Variants in C12orf50 observed in about 807,000 individuals in gnomAD.
The protein encoded by C12orf50 is uncharacterized protein C12orf50.
Under a neutral mutation model 61.6 loss-of-function variants are expected in C12orf50, and 35 were observed. That is an observed-to-expected ratio of 0.57 (90% CI 0.43 to 0.75). The LOEUF (loss-of-function observed/expected upper bound fraction) is 0.75. C12orf50 is among the 30% of genes least tolerant of loss of function. The probability of loss-of-function intolerance (pLI) is 0.00; values close to 1 mark genes in which losing one functional copy is unlikely to be tolerated. For synonymous variants in C12orf50, 178 were observed against 161.5 expected (o/e 1.10, Z -0.77); for missense variants, 475 against 488.5 (o/e 0.97, Z 0.26).
chr12:88,021,045 A>C (rs1019083002), intron 3 of C12orf50, among the ~76,000 whole-genome samples: 1 of 152,302 alleles, frequency 6.6e-6, no homozygotes, highest in Non-Finnish European at 1.5e-5. Flanking sequence ...CAGTATTAAG[A>C]GGGAAGTTTA....
At chr12:87,989,158 A>G in intron 8 of C12orf50, 106 bp downstream of exon 8, 1 of 751,904 alleles carries the variant, frequency 1.3e-6, no homozygotes, top group Admixed American at 2.3e-5. Context: ...TTCAGTGTAT[A>G]TTTTGATTTA....
intron 6 of C12orf50, 26 bp from the exon 7 acceptor site, chr12:87,994,769 A>G: frequency 6.8e-7 from 1 of 1,462,480 alleles, no homozygotes; most frequent in Admixed American, 1.9e-5. Context: ...AAAAAAAGTC[A>G]CCCCAGAAAT....
chr12:88,000,518 T>G (rs1428127830), intron 3 of C12orf50, among the ~76,000 whole-genome samples: 1 of 152,036 alleles, frequency 6.6e-6, no homozygotes, highest in Admixed American at 6.6e-5. Flanking sequence ...TTTTTTTCAC[T>G]ATTCTGGGTC....
chr12:88,027,169 A>T, intron 1 of C12orf50, 99 bp from the exon 2 acceptor site: 2 of 1,230,858 alleles, frequency 1.6e-6, no homozygotes, highest in East Asian at 2.6e-5. Context: ...TGAGTAGATT[A>T]CACTAGAATC....
At chr12:88,022,609 T>G (rs1428485015) in intron 3 of C12orf50, among the ~76,000 whole-genome samples, 2 of 152,158 alleles carry the variant, frequency 1.3e-5, no homozygotes, top group African/African-American at 4.8e-5. Flanking sequence ...GAAAACCTCA[T>G]AATCTCTGCC....
At chr12:88,016,145 TCACAGGTTG>T (rs1475729932) in intron 3 of C12orf50, among the ~76,000 whole-genome samples, 1 of 152,114 alleles carries the variant, frequency 6.6e-6, no homozygotes, top group Non-Finnish European at 1.5e-5. Flanking sequence ...CCCTAAAGTT[TCACAGGTTG>T]CACATTTAAA....
intron 3 of C12orf50, among the ~76,000 whole-genome samples, chr12:88,009,250 C>A (rs546261965): frequency 6.6e-6 from 1 of 152,030 alleles, no homozygotes; most frequent in Non-Finnish European, 1.5e-5. Flanking sequence ...GTACTCGTAT[C>A]CGTTTATATA....
At chr12:88,016,999 G>C (rs1481013164) in intron 3 of C12orf50, among the ~76,000 whole-genome samples, 1 of 152,194 alleles carries the variant, frequency 6.6e-6, no homozygotes, top group East Asian at 1.9e-4. Flanking sequence ...GATGGAATTA[G>C]CCATGAAGAT....
chr12:87,994,681 A>G lies in C12orf50; in HGVS notation c.544T>C (p.Ser182Pro). The G allele has an allele frequency of 6.2e-7, 1 of 1,613,448 alleles. No individual in the cohort carries two copies. Among genetic ancestry groups the G allele is most frequent in the South Asian group, 1.1e-5 (1 of 91,058 alleles). ...TCAGTCTTTGGTTTCCCATGCAATG[A>G]TGTTTTTATTTCACCTTGCCTTTCA... ...QYERQGEIKTSLHGKPKTDIA... is the reference protein window; with the variant it reads ...QYERQGEIKTPLHGKPKTDIA... Residue 182 changes from serine (S) to proline (P), a missense_variant, in exon 7 of 13, where the codon TCA (serine) becomes CCA (proline). Coordinates refer to ENST00000298699, the MANE Select transcript of C12orf50 (RefSeq NM_152589.3).
chr12:88,014,860 C>G (rs1009332175), intron 3 of C12orf50, among the ~76,000 whole-genome samples: 7 of 152,188 alleles, frequency 4.6e-5, no homozygotes, highest in Non-Finnish European at 2.9e-5. Context: ...TTTCTAATCT[C>G]TTATAACTCC....
intron 3 of C12orf50, among the ~76,000 whole-genome samples, chr12:88,023,796 TTTAA>T (rs2032607280): frequency 6.6e-6 from 1 of 151,810 alleles, no homozygotes; most frequent in Non-Finnish European, 1.5e-5. Context: ...ACAAAAAGGA[TTTAA>T]TTAAACTAAA....
intron 7 of C12orf50, among the ~76,000 whole-genome samples, chr12:87,992,823 AT>A (rs1448052431): frequency 5.9e-5 from 9 of 152,202 alleles, no homozygotes; most frequent in African/African-American, 2.2e-4. Context: ...TTAAAGTGCA[AT>A]AACACATTAA....
chr12:88,006,330 T>G (rs2031881777), intron 3 of C12orf50, among the ~76,000 whole-genome samples: 1 of 152,226 alleles, frequency 6.6e-6, no homozygotes, highest in African/African-American at 2.4e-5. Flanking sequence ...TAATTGCTTA[T>G]CCCCAATCAC....
intron 8 of C12orf50, 43 bp downstream of exon 8, chr12:87,989,221 T>C (rs2030997422): frequency 1.4e-6 from 2 of 1,419,050 alleles, no homozygotes; most frequent in African/African-American, 2.9e-5. Context: ...TTAACTTGCC[T>C]AGCCAAATTA....
At chr12:88,011,103 T>C (rs1179187583) in intron 3 of C12orf50, among the ~76,000 whole-genome samples, 2 of 152,186 alleles carry the variant, frequency 1.3e-5, no homozygotes, top group African/African-American at 4.8e-5. Flanking sequence ...ATATATTTCA[T>C]ATGATTCTTC....
chr12:87,998,248 G>A, intron 3 of C12orf50, 58 bp from the exon 4 acceptor site: 1 of 1,387,504 alleles, frequency 7.2e-7, no homozygotes, highest in Non-Finnish European at 9.9e-7. Flanking sequence ...ATAAGTAGAT[G>A]TAACAATCAA....
chr12:88,026,565 C>T lies in C12orf50; in HGVS notation c.56G>A (p.Gly19Asp). The change falls in exon 3 of 13, where the codon GGT (glycine) becomes GAT (aspartate). Residue 19 changes from glycine (G) to aspartate (D), a missense_variant. Coordinates refer to ENST00000298699, the MANE Select transcript of C12orf50 (RefSeq NM_152589.3). ...ISCFWETQPL[G>D]CVKISCIFYH... The stretch of plus-strand genomic sequence containing the variant: ...AAAGATACAGCTGATCTTCACACAA[C>T]CAAGAGGCTGAGTTTCCCAGAAGCA... 1.2e-6 allele frequency: 2 copies of T among 1,613,776 alleles called. No individual in the cohort carries two copies. Among genetic ancestry groups the T allele is most frequent in the Non-Finnish European group, 1.7e-6 (2 of 1,179,972 alleles).
In C12orf50 at chr12:87,985,973, T is replaced by C; in HGVS notation, c.1003A>G (p.Ile335Val). Residue 335 changes from isoleucine (I) to valine (V), a missense_variant, in exon 11 of 13, where the codon ATC becomes GTC. By Grantham distance (29) the Ile-to-Val change is conservative. Transcript: ENST00000298699. ...CTGACAGCATCTCTTTGAACGTGGA[T>C]ATAGGATGCATTCTCCGCATTTCGA... is the stretch of plus-strand genomic sequence containing the variant. ...KNRNAENASYIHVQRDAVRTV... is the reference protein window; with the variant it reads ...KNRNAENASYVHVQRDAVRTV... The C allele has an allele frequency of 6.2e-7, 1 of 1,613,904 alleles. No homozygotes were observed. Among genetic ancestry groups the C allele is most frequent in the South Asian group, 1.1e-5 (1 of 91,082 alleles).
chr12:87,989,155 T>A (rs1168605873), intron 8 of C12orf50, 109 bp downstream of exon 8: 1 of 724,730 alleles, frequency 1.4e-6, no homozygotes, highest in Non-Finnish European at 2.3e-6. Flanking sequence ...CTATTCAGTG[T>A]ATATTTTGAT....
Sources: gnomAD v4.1 joint callset for allele counts (sites outside exome capture counted in the v4.1 genomes callset) on GRCh38, gnomAD v4.1.1 for gene constraint, MANE v1.5 for transcripts, NCBI Gene and HGNC (gene_info 2026-07-23, HGNC 2026-07-21) for gene names.